Variants in HAPSTR1 observed in about 807,000 individuals in gnomAD.
The protein encoded by HAPSTR1 is HUWE1-associated protein modifying stress responses 1.
the HAPSTR1 span, chr16:9,108,391 G>C: frequency 6.6e-6 from 1 of 151,846 alleles, no homozygotes; most frequent in African/African-American, 2.4e-5. Flanking sequence ...TCGCCATGTT[G>C]TCCAGGCTGG....
the HAPSTR1 span, chr16:9,103,304 G>T: frequency 6.3e-7 from 1 of 1,585,866 alleles, no homozygotes; most frequent in Non-Finnish European, 8.6e-7. Context: ...GGTTAAGAGG[G>T]TGCCTGTGGA....
chr16:9,117,130 C>T, the HAPSTR1 span: 1 of 632,318 alleles, frequency 1.6e-6, no homozygotes, highest in South Asian at 2.1e-5. Context: ...CAGAGGACAT[C>T]AGATATTGTG....
chr16:9,094,342 A>G, the HAPSTR1 span, among the ~76,000 whole-genome samples: 4 of 152,174 alleles, frequency 2.6e-5, no homozygotes, highest in African/African-American at 4.8e-5. Flanking sequence ...TTCAACATCT[A>G]TCAGTGCTGA....
the HAPSTR1 span, chr16:9,110,604 A>G: frequency 6.6e-6 from 1 of 152,236 alleles, no homozygotes; most frequent in African/African-American, 2.4e-5. Flanking sequence ...TAATCATTTT[A>G]AGAAGAAATT....
At chr16:9,105,616 G>C in the HAPSTR1 span, 1 of 152,150 alleles carries the variant, frequency 6.6e-6, no homozygotes, top group Admixed American at 6.5e-5. Context: ...AGTGAAAACT[G>C]TTAAGGTGCT....
chr16:9,092,889 T>C, the HAPSTR1 span: 3 of 1,539,076 alleles, frequency 1.9e-6, no homozygotes, highest in South Asian at 2.4e-5. Flanking sequence ...TTTTTTCTTT[T>C]TGGTTTTTTT....
the HAPSTR1 span, among the ~76,000 whole-genome samples, chr16:9,096,385 CCTT>C: frequency 2.7e-5 from 4 of 147,754 alleles, no homozygotes; most frequent in Admixed American, 6.7e-5. Context: ...GTGTGTATTT[CCTT>C]CTTCATCTTC....
chr16:9,103,593 G>T, the HAPSTR1 span: 1 of 215,282 alleles, frequency 4.6e-6, no homozygotes, highest in Non-Finnish European at 9.3e-6. Flanking sequence ...AAGTTCTTGT[G>T]TCTTAAGAAT....
chr16:9,117,863 T>C, the HAPSTR1 span: 2 of 152,626 alleles, frequency 1.3e-5, no homozygotes, highest in Admixed American at 6.5e-5. Context: ...GCAGTTTCCA[T>C]TGGAATGGGT....
the HAPSTR1 span, chr16:9,092,314 C>G: frequency 7.0e-7 from 1 of 1,432,606 alleles, no homozygotes. Flanking sequence ...GCCGCCCCCG[C>G]CCGGGCCCGG....
chr16:9,092,748 C>A, the HAPSTR1 span, among the ~76,000 whole-genome samples: 2 of 152,218 alleles, frequency 1.3e-5, no homozygotes, highest in Non-Finnish European at 2.9e-5. Flanking sequence ...CCCTGCCCCC[C>A]CGGTCCTCAC....
chr16:9,108,802 A>G, the HAPSTR1 span: 1 of 152,144 alleles, frequency 6.6e-6, no homozygotes, highest in Non-Finnish European at 1.5e-5. Flanking sequence ...TGACTTCTCC[A>G]AGCCAGTCTC....
the HAPSTR1 span, chr16:9,118,597 A>AT: frequency 6.6e-6 from 1 of 152,526 alleles, no homozygotes; most frequent in East Asian, 1.9e-4. Flanking sequence ...AAAGTGGGTC[A>AT]TTTTTTGTTT....
the HAPSTR1 span, among the ~76,000 whole-genome samples, chr16:9,100,460 G>C: frequency 6.6e-6 from 1 of 151,504 alleles, no homozygotes; most frequent in Admixed American, 6.6e-5. Flanking sequence ...CTTCCTTTTG[G>C]CCCTTGAGTT....
chr16:9,113,476 A>T, the HAPSTR1 span, among the ~76,000 whole-genome samples: 1 of 152,048 alleles, frequency 6.6e-6, no homozygotes, highest in Non-Finnish European at 1.5e-5. Context: ...TCCCTAGTCC[A>T]CTTCTGATAC....
chr16:9,101,549 G>T, the HAPSTR1 span, among the ~76,000 whole-genome samples: 1 of 151,960 alleles, frequency 6.6e-6, no homozygotes, highest in Non-Finnish European at 1.5e-5. Context: ...TAACATCCCA[G>T]GTCCTACTTT....
the HAPSTR1 span, among the ~76,000 whole-genome samples, chr16:9,093,720 C>T: frequency 2.6e-5 from 4 of 152,222 alleles, no homozygotes; most frequent in African/African-American, 7.2e-5. Flanking sequence ...AGTTAATCCC[C>T]CTCCCTTTGT....
At chr16:9,091,652 T>C in the HAPSTR1 span, 7 of 398,224 alleles carry the variant, frequency 1.8e-5, no homozygotes, top group Admixed American at 8.8e-5. Flanking sequence ...TTGCTCAGTC[T>C]TGGGGTGGGC....
At chr16:9,108,756 T>C in the HAPSTR1 span, 1 of 152,216 alleles carries the variant, frequency 6.6e-6, no homozygotes, top group Non-Finnish European at 1.5e-5. Context: ...TCTTTGTGTA[T>C]AGGCTATTTT....
Sources: allele counts gnomAD v4.1 joint callset (sites outside exome capture counted in the v4.1 genomes callset), GRCh38; gene constraint gnomAD v4.1.1; transcripts MANE v1.5; gene names NCBI Gene and HGNC (gene_info 2026-07-23, HGNC 2026-07-21).